The following ACYP2 variants were observed in gnomAD, a reference collection of about 807,000 sequenced individuals.
The protein encoded by ACYP2 is acylphosphatase-2.
Under a neutral mutation model 11.2 loss-of-function variants are expected in ACYP2, and 12 were observed. The observed-to-expected ratio is 1.08, with a 90% CI of 0.69 to 1.74. The LOEUF (loss-of-function observed/expected upper bound fraction) is 1.74, where lower values mean the gene tolerates loss of function less well. ACYP2 is among the 40% of genes most tolerant of loss of function. ACYP2 has a pLI of 0.00. For synonymous variants in ACYP2, 43 were observed against 32.2 expected (o/e 1.33, Z -1.13); for missense variants, 134 against 101.9 (o/e 1.31, Z -1.35).
Position 54,135,483 on chromosome 2 carries a change from A to G in ACYP2, c.294+14A>G, listed in dbSNP as rs139471271. 344 of 1,602,522 alleles carry G rather than the reference A, an allele frequency of 2.1e-4. 3 individuals are homozygous for G. The African/African-American group carries it at 4.2e-3, about 20-fold the overall frequency. On this transcript the variant is annotated intron_variant, in intron 5 of 6. Transcript: ENST00000607452. Reference sequence around the variant, plus strand: ...TGCTTCAGAATGGTAAGTCAGTACAATCTTTATTATTTTGCTATTTTTTTT... The same window carrying G: ...TGCTTCAGAATGGTAAGTCAGTACAGTCTTTATTATTTTGCTATTTTTTTT...
At chr2:54,250,808 A>ATAAT (rs1687188681) in intron 6 of ACYP2, among the ~76,000 whole-genome samples, 1 of 152,270 alleles carries the variant, frequency 6.6e-6, no homozygotes, top group Non-Finnish European at 1.5e-5. Flanking sequence ...TGATTTCATT[A>ATAAT]TAATTCTATA....
chr2:54,187,125 C>T (rs949038988), intron 6 of ACYP2, among the ~76,000 whole-genome samples: 2 of 151,978 alleles, frequency 1.3e-5, no homozygotes, highest in Admixed American at 6.6e-5. Context: ...TGAATGTGTA[C>T]GTTTACTATA....
At chr2:54,029,597 T>C in intron 2 of ACYP2, 2 of 391,170 alleles carry the variant, frequency 5.1e-6, no homozygotes, top group South Asian at 2.2e-5. Flanking sequence ...TCCAGGTAAC[T>C]TTCTCTTTGG....
chr2:54,260,297 G>C (rs1573009554), intron 6 of ACYP2, among the ~76,000 whole-genome samples: 3 of 152,256 alleles, frequency 2.0e-5, no homozygotes, highest in African/African-American at 7.2e-5. Context: ...AACAGGCAGT[G>C]GGAGTCTGAG....
At chr2:54,028,666 T>C (rs1051104006) in intron 2 of ACYP2, among the ~76,000 whole-genome samples, 2 of 152,198 alleles carry the variant, frequency 1.3e-5, no homozygotes, top group African/African-American at 4.8e-5. Flanking sequence ...CCAATAGACT[T>C]TGTCCCAGGC....
At chr2:54,201,626 T>TCTC (rs1684795468) in intron 6 of ACYP2, among the ~76,000 whole-genome samples, 2 of 102,514 alleles carry the variant, frequency 2.0e-5, no homozygotes, top group African/African-American at 8.8e-5. Flanking sequence ...CTTTCTTTGT[T>TCTC]TCTTTCTTTC....
chr2:54,034,620 C>G (rs1189887071), intron 2 of ACYP2, among the ~76,000 whole-genome samples: 1 of 152,084 alleles, frequency 6.6e-6, no homozygotes, highest in Non-Finnish European at 1.5e-5. Flanking sequence ...ATGCATTTCT[C>G]AGAACATATT....
intron 2 of ACYP2, among the ~76,000 whole-genome samples, chr2:54,003,364 A>T (rs899682205): frequency 6.6e-6 from 1 of 152,002 alleles, no homozygotes; most frequent in African/African-American, 2.4e-5. Flanking sequence ...AGTTCAAGCG[A>T]TTCTCCTGCC....
intron 6 of ACYP2, among the ~76,000 whole-genome samples, chr2:54,162,990 A>G (rs576671414): frequency 8.5e-5 from 13 of 152,220 alleles, no homozygotes; most frequent in Admixed American, 1.3e-4. Context: ...TCAGAAAAGA[A>G]AAAGAAAAAT....
At chr2:54,201,680 T>TTCTTTCTCTCTC (rs1395606887) in intron 6 of ACYP2, among the ~76,000 whole-genome samples, 31 of 107,354 alleles carry the variant, frequency 2.9e-4, no homozygotes, top group Non-Finnish European at 4.8e-4. Context: ...CTTTCTTTCT[T>TTCTTTCTCTCTC]TCTCTCTCTC....
chr2:54,231,588 G>T (rs1686239321), intron 6 of ACYP2, among the ~76,000 whole-genome samples: 2 of 152,114 alleles, frequency 1.3e-5, no homozygotes, highest in African/African-American at 2.4e-5. Context: ...CTCTGAGTTT[G>T]TTTCCTCATG....
At chr2:53,990,415 G>A (rs1407977829) in intron 2 of ACYP2, among the ~76,000 whole-genome samples, 1 of 152,048 alleles carries the variant, frequency 6.6e-6, no homozygotes, top group Non-Finnish European at 1.5e-5. Flanking sequence ...TTGGGAGGCT[G>A]AGGCAGGTGG....
chr2:54,159,041 CTATA>C (rs1308545514), intron 6 of ACYP2, among the ~76,000 whole-genome samples: 1 of 152,026 alleles, frequency 6.6e-6, no homozygotes, highest in East Asian at 1.9e-4. Context: ...TATACTCTCT[CTATA>C]TAGTATATAG....
chr2:54,249,978 T>C (rs1300453306), intron 6 of ACYP2, among the ~76,000 whole-genome samples: 1 of 144,098 alleles, frequency 6.9e-6, no homozygotes, highest in Non-Finnish European at 1.5e-5. Flanking sequence ...AAAACTCACA[T>C]AGTTTTCATC....
At chr2:54,241,616 C>T (rs959367718) in intron 6 of ACYP2, among the ~76,000 whole-genome samples, 1 of 152,126 alleles carries the variant, frequency 6.6e-6, no homozygotes, top group African/African-American at 2.4e-5. Flanking sequence ...AAGATAGTCA[C>T]GTCTTTCTCT....
intron 6 of ACYP2, among the ~76,000 whole-genome samples, chr2:54,223,469 A>C (rs879687360): frequency 6.6e-6 from 1 of 152,180 alleles, no homozygotes; most frequent in Non-Finnish European, 1.5e-5. Context: ...TTTTCCTATT[A>C]GCTATTCAGA....
intron 4 of ACYP2, among the ~76,000 whole-genome samples, chr2:54,114,380 C>CAAAAAAAA: frequency 9.6e-6 from 1 of 104,404 alleles, no homozygotes; most frequent in Non-Finnish European, 2.0e-5. Flanking sequence ...TCAAGACAAT[C>CAAAAAAAA]AAAAAAAAAA....
intron 4 of ACYP2, chr2:54,115,322 A>G: frequency 4.1e-6 from 2 of 491,060 alleles, no homozygotes. Flanking sequence ...ACACTTTAAT[A>G]AAGCTGGGGG....
chr2:53,992,973 AG>A (rs1672381346), intron 2 of ACYP2, among the ~76,000 whole-genome samples: 1 of 152,128 alleles, frequency 6.6e-6, no homozygotes, highest in South Asian at 2.1e-4. Flanking sequence ...TGGGAGGTCA[AG>A]GCAGACGGAT....
Sources: gnomAD v4.1 joint callset for allele counts (sites outside exome capture counted in the v4.1 genomes callset) on GRCh38, gnomAD v4.1.1 for gene constraint, MANE v1.5 for transcripts, NCBI Gene and HGNC (gene_info 2026-07-23, HGNC 2026-07-21) for gene names.